The following TOX variants were observed in gnomAD, a reference collection of about 807,000 sequenced individuals.
The protein encoded by TOX is thymocyte selection associated high mobility group box, also known as thymocyte selection-associated high mobility group box protein TOX.
A neutral mutation model predicts 53.7 loss-of-function variants in TOX; 11 were observed. The observed-to-expected ratio is 0.20, with a 90% CI of 0.13 to 0.34. TOX has a LOEUF of 0.34. Among genes scored for constraint, TOX ranks in the 10% least tolerant of loss-of-function variants. TOX has a pLI of 1.00. For missense variants in TOX, 570 were observed against 664.6 expected (o/e 0.86, Z 1.56); for synonymous variants, 225 against 245.3 (o/e 0.92, Z 0.77).
intron 3 of TOX, among the ~76,000 whole-genome samples, chr8:58,925,395 AG>A (rs980058860): frequency 1.4e-4 from 21 of 152,230 alleles, no homozygotes; most frequent in African/African-American, 5.1e-4. Flanking sequence ...CCAAAAGGAA[AG>A]AAGACCACAG....
intron 1 of TOX, among the ~76,000 whole-genome samples, chr8:58,998,633 A>G (rs1488043003): frequency 2.1e-5 from 1 of 47,242 alleles, no homozygotes; most frequent in Non-Finnish European, 4.4e-5. Flanking sequence ...AATATATTTT[A>G]TATATATAAT....
chr8:58,857,656 G>T (rs958000221), intron 3 of TOX, among the ~76,000 whole-genome samples: 2 of 152,056 alleles, frequency 1.3e-5, no homozygotes, highest in Admixed American at 6.5e-5. Flanking sequence ...CCCTTGTCTG[G>T]TTACCTAGAG....
intron 1 of TOX, among the ~76,000 whole-genome samples, chr8:59,058,391 T>C (rs1255761003): frequency 1.3e-5 from 2 of 152,198 alleles, no homozygotes; most frequent in African/African-American, 4.8e-5. Flanking sequence ...GCTGGTTCCT[T>C]CAAGTGGTCC....
At chr8:58,894,966 G>T (rs1226661873) in intron 3 of TOX, among the ~76,000 whole-genome samples, 1 of 151,948 alleles carries the variant, frequency 6.6e-6, no homozygotes, top group African/African-American at 2.4e-5. Flanking sequence ...GAGGCAGGGG[G>T]ATCATGAGGT....
chr8:58,993,643 A>G (rs1298663781), intron 1 of TOX, among the ~76,000 whole-genome samples: 1 of 152,212 alleles, frequency 6.6e-6, no homozygotes, highest in Non-Finnish European at 1.5e-5. Context: ...TCTAGGATGA[A>G]ATAACATTTC....
At chr8:59,046,967 T>C (rs1292502850) in intron 1 of TOX, among the ~76,000 whole-genome samples, 3 of 151,782 alleles carry the variant, frequency 2.0e-5, no homozygotes, top group Non-Finnish European at 4.4e-5. Flanking sequence ...CAGTGACATG[T>C]TTTAAAAACT....
chr8:58,962,295 T>G (rs1260782299), intron 1 of TOX, among the ~76,000 whole-genome samples: 1 of 152,228 alleles, frequency 6.6e-6, no homozygotes, highest in Non-Finnish European at 1.5e-5. Context: ...CATAAAAGAC[T>G]TGTGGCTATC....
At chr8:58,928,649 C>T (rs1812204777) in intron 3 of TOX, among the ~76,000 whole-genome samples, 1 of 151,804 alleles carries the variant, frequency 6.6e-6, no homozygotes, top group African/African-American at 2.4e-5. Context: ...TATATATACA[C>T]ACACATCACA....
intron 3 of TOX, among the ~76,000 whole-genome samples, chr8:58,937,170 G>C (rs561507729): frequency 4.6e-5 from 7 of 152,310 alleles, no homozygotes; most frequent in African/African-American, 1.7e-4. Context: ...TACTGGGAAG[G>C]CTTGCCACCC....
intron 3 of TOX, among the ~76,000 whole-genome samples, chr8:58,890,082 A>G (rs1387927444): frequency 6.6e-6 from 1 of 152,204 alleles, no homozygotes; most frequent in Non-Finnish European, 1.5e-5. Flanking sequence ...ACATTTCACA[A>G]AATATTTTAT....
intron 3 of TOX, among the ~76,000 whole-genome samples, chr8:58,872,990 A>T (rs1811223186): frequency 6.6e-6 from 1 of 152,108 alleles, no homozygotes; most frequent in Non-Finnish European, 1.5e-5. Context: ...TTTTCACAAT[A>T]TTTTTTTAAA....
chr8:58,958,545 G>A (rs1466022752), intron 2 of TOX, among the ~76,000 whole-genome samples: 1 of 152,162 alleles, frequency 6.6e-6, no homozygotes, highest in Non-Finnish European at 1.5e-5. Flanking sequence ...GGGATTGATG[G>A]TTAGAAGAAA....
At chr8:59,041,761 CG>C (rs1465453196) in intron 1 of TOX, among the ~76,000 whole-genome samples, 20 of 152,162 alleles carry the variant, frequency 1.3e-4, no homozygotes, top group African/African-American at 3.9e-4. Flanking sequence ...TGGATCTGCC[CG>C]TTATTACAAG....
chr8:58,972,378 A>G (rs1390603727), intron 1 of TOX, among the ~76,000 whole-genome samples: 3 of 152,188 alleles, frequency 2.0e-5, no homozygotes, highest in African/African-American at 7.2e-5. Flanking sequence ...TCATACAGAA[A>G]ATATTACCCA....
chr8:58,846,584 T>A (rs944197790), intron 4 of TOX, among the ~76,000 whole-genome samples: 1 of 152,162 alleles, frequency 6.6e-6, no homozygotes. Flanking sequence ...TTTATCCTAT[T>A]TGCTTTGAGA....
At chr8:59,107,056 G>GGGT (rs1554547220) in intron 1 of TOX, among the ~76,000 whole-genome samples, 4 of 126,660 alleles carry the variant, frequency 3.2e-5, no homozygotes, top group Admixed American at 3.1e-4. Context: ...TGGGGGGGGG[G>GGGT]GGAACGTGAC....
chr8:58,810,672 C>T (rs372292542), intron 7 of TOX, among the ~76,000 whole-genome samples: 1 of 152,006 alleles, frequency 6.6e-6, no homozygotes, highest in African/African-American at 2.4e-5. Flanking sequence ...GAGTTTTACA[C>T]AGTTGACAAA....
chr8:58,973,871 C>A (rs928604946), intron 1 of TOX, among the ~76,000 whole-genome samples: 1 of 151,958 alleles, frequency 6.6e-6, no homozygotes, highest in Admixed American at 6.6e-5. Context: ...GATCTCAGCT[C>A]ACTGCAACCT....
At chr8:59,087,667 C>A (rs1010298773) in intron 1 of TOX, among the ~76,000 whole-genome samples, 1 of 152,170 alleles carries the variant, frequency 6.6e-6, no homozygotes, top group Non-Finnish European at 1.5e-5. Context: ...TTTACTCAAT[C>A]TTTCAGGGTA....
Sources: allele counts gnomAD v4.1 joint callset (sites outside exome capture counted in the v4.1 genomes callset), GRCh38; gene constraint gnomAD v4.1.1; transcripts MANE v1.5; gene names NCBI Gene and HGNC (gene_info 2026-07-23, HGNC 2026-07-21).